Variants in CACNA2D3 observed in about 807,000 individuals in gnomAD.
CACNA2D3 encodes calcium voltage-gated channel auxiliary subunit alpha2delta 3, also known as voltage-dependent calcium channel subunit alpha-2/delta-3.
A neutral mutation model predicts 160.6 loss-of-function variants in CACNA2D3; 60 were observed. The ratio of observed to expected loss-of-function variants is 0.37; its 90% CI spans 0.30 to 0.46. The LOEUF (loss-of-function observed/expected upper bound fraction) is 0.46, where lower values mean the gene tolerates loss of function less well. Ranked by LOEUF, CACNA2D3 falls within the 20% of genes least tolerant of loss-of-function variation. The pLI, the probability that CACNA2D3 is intolerant of heterozygous loss-of-function variation, is 1.00. For missense variants in CACNA2D3, 1,205 were observed against 1,365.0 expected (o/e 0.88, Z 1.85); for synonymous variants, 558 against 492.9 (o/e 1.13, Z -1.75).
At chr3:54,718,480 A>G (rs1354535572) in intron 11 of CACNA2D3, among the ~76,000 whole-genome samples, 1 of 152,086 alleles carries the variant, frequency 6.6e-6, no homozygotes, top group Non-Finnish European at 1.5e-5. Flanking sequence ...CCATTGGATT[A>G]TAGTAGTACT....
intron 11 of CACNA2D3, among the ~76,000 whole-genome samples, chr3:54,646,571 A>T (rs1699655919): frequency 6.6e-6 from 1 of 152,058 alleles, no homozygotes. Context: ...TCCAAAGGAC[A>T]TGATCTTTTT....
chr3:54,936,158 C>T (rs1324052987), intron 27 of CACNA2D3, among the ~76,000 whole-genome samples: 1 of 144,302 alleles, frequency 6.9e-6, no homozygotes, highest in African/African-American at 2.7e-5. Flanking sequence ...TCACGAGAAT[C>T]ATAGCAAAAA....
chr3:54,833,261 A>G (rs1703916854), intron 14 of CACNA2D3, among the ~76,000 whole-genome samples: 1 of 152,230 alleles, frequency 6.6e-6, no homozygotes, highest in Non-Finnish European at 1.5e-5. Flanking sequence ...CCACAACCAC[A>G]GGTTTCAGAG....
At chr3:54,512,721 A>C (rs1198711773) in intron 5 of CACNA2D3, among the ~76,000 whole-genome samples, 2 of 152,206 alleles carry the variant, frequency 1.3e-5, no homozygotes, top group African/African-American at 2.4e-5. Context: ...CTGTGTGTCC[A>C]TGTCCTACTT....
At chr3:54,433,580 G>A (rs971170016) in intron 4 of CACNA2D3, among the ~76,000 whole-genome samples, 1 of 152,126 alleles carries the variant, frequency 6.6e-6, no homozygotes, top group South Asian at 2.1e-4. Context: ...TCTCCCTCTT[G>A]TAACTAAAAA....
At chr3:54,854,674 A>C (rs1028578985) in intron 17 of CACNA2D3, among the ~76,000 whole-genome samples, 13 of 152,158 alleles carry the variant, frequency 8.5e-5, no homozygotes, top group African/African-American at 2.7e-4. Context: ...TGCCTGGGTC[A>C]GTTCTCATTG....
chr3:54,308,718 T>A (rs977657913), intron 2 of CACNA2D3, among the ~76,000 whole-genome samples: 1 of 152,188 alleles, frequency 6.6e-6, no homozygotes, highest in Non-Finnish European at 1.5e-5. Context: ...CTTAGTTACC[T>A]AACCTATAAA....
At chr3:54,132,836 G>A (rs1699739570) in intron 2 of CACNA2D3, among the ~76,000 whole-genome samples, 1 of 152,120 alleles carries the variant, frequency 6.6e-6, no homozygotes, top group Non-Finnish European at 1.5e-5. Context: ...ATATGACCCT[G>A]ACAAGTCAGT....
rs1286169118 is a variant in CACNA2D3, at chr3:54,308,591, T to C, written c.205-11851T>C. On this transcript the variant is annotated intron_variant, in intron 2 of 37. Coordinates refer to ENST00000474759, the MANE Select transcript of CACNA2D3 (RefSeq NM_018398.3). Reference sequence around the variant, plus strand: ...TACATGAGCAAGAAATAAACCTTTATTGTGTGAAGCCGCTGAGATATGGGG... The same window carrying C: ...TACATGAGCAAGAAATAAACCTTTACTGTGTGAAGCCGCTGAGATATGGGG... Among the ~76,000 whole-genome samples the C allele has an allele frequency of 5.9e-5, 9 of 152,148 alleles. No individual in the cohort carries two copies. In the East Asian group the frequency reaches 1.7e-3, roughly 29 times the overall value.
At chr3:54,540,922 A>T (rs1214458958) in intron 5 of CACNA2D3, among the ~76,000 whole-genome samples, 1 of 152,146 alleles carries the variant, frequency 6.6e-6, no homozygotes, top group African/African-American at 2.4e-5. Flanking sequence ...CTAGTTAAGG[A>T]TCTTGAGATG....
Position 54,627,892 on chromosome 3 carries a change from A to G in CACNA2D3, c.1053+16A>G, listed in dbSNP as rs1232673117. 1 of 1,530,258 alleles carries G rather than the reference A, an allele frequency of 6.5e-7. No homozygotes were observed. The highest frequency in any genetic ancestry group is 9.0e-7 in the Non-Finnish European group (1 of 1,112,592). The allele number at this position is 1,530,258 out of a possible 1,614,324, so 94.8% of individuals were successfully genotyped here. The stretch of plus-strand genomic sequence containing the variant: ...TCTGAGTGATGTAAGTTCCTCTTTG[A>G]TTTGCCTTTCTCATCCCTTGGAGAA... On this transcript the variant is annotated intron_variant, in intron 10 of 37. Transcript: ENST00000474759.
intron 11 of CACNA2D3, among the ~76,000 whole-genome samples, chr3:54,647,126 A>T (rs1366612119): frequency 6.6e-6 from 1 of 152,154 alleles, no homozygotes; most frequent in Non-Finnish European, 1.5e-5. Flanking sequence ...GCAGATGAAA[A>T]CACAGCCCAG....
At chr3:54,626,208 C>G in intron 9 of CACNA2D3, 1 of 842,948 alleles carries the variant, frequency 1.2e-6, no homozygotes, top group Non-Finnish European at 2.0e-6. Context: ...TCTGAGGATC[C>G]GGCAAGATGG....
At chr3:54,655,897 G>A (rs1699868387) in intron 11 of CACNA2D3, among the ~76,000 whole-genome samples, 1 of 152,142 alleles carries the variant, frequency 6.6e-6, no homozygotes, top group African/African-American at 2.4e-5. Context: ...GGGTATCTAG[G>A]CTTTACTGTT....
At chr3:54,789,942 TC>T in intron 13 of CACNA2D3, 2 of 475,312 alleles carry the variant, frequency 4.2e-6, no homozygotes, top group Admixed American at 4.3e-5. Context: ...CCCTCTGTGT[TC>T]TCCCAAAGAA....
chr3:54,749,884 A>G (rs575668075), intron 11 of CACNA2D3, among the ~76,000 whole-genome samples: 1 of 152,354 alleles, frequency 6.6e-6, no homozygotes, highest in South Asian at 2.1e-4. Context: ...TATAATACCC[A>G]TAAACCCCTC....
chr3:54,927,944 CG>C (rs1701073612), intron 27 of CACNA2D3: 7 of 1,611,706 alleles, frequency 4.3e-6, no homozygotes, highest in Non-Finnish European at 5.1e-6. Flanking sequence ...TTGCTGACCT[CG>C]TAGACCCTTT....
chr3:54,510,908 A>G (rs774276151), intron 5 of CACNA2D3, among the ~76,000 whole-genome samples: 30 of 152,250 alleles, frequency 2.0e-4, no homozygotes, highest in South Asian at 1.7e-3. Context: ...TGTCCTGCCA[A>G]AAATATGTAG....
At chr3:54,386,937 A>C (rs1036188134) in intron 4 of CACNA2D3, among the ~76,000 whole-genome samples, 163 bp downstream of exon 4, 2 of 152,192 alleles carry the variant, frequency 1.3e-5, no homozygotes, top group Non-Finnish European at 2.9e-5. Flanking sequence ...GCAATCCGCA[A>C]CCACCTTCTA....
Sources: gnomAD v4.1 joint callset for allele counts (sites outside exome capture counted in the v4.1 genomes callset) on GRCh38, gnomAD v4.1.1 for gene constraint, MANE v1.5 for transcripts, NCBI Gene and HGNC (gene_info 2026-07-23, HGNC 2026-07-21) for gene names.